The following GFOD2 variants were observed in gnomAD, a reference collection of about 807,000 sequenced individuals.
GFOD2 encodes the protein Gfo/Idh/MocA-like oxidoreductase domain containing 2, also known as glucose-fructose oxidoreductase domain-containing protein 2.
A neutral mutation model predicts 24.6 loss-of-function variants in GFOD2; 9 were observed. The ratio of observed to expected loss-of-function variants is 0.37; its 90% CI spans 0.22 to 0.64. The LOEUF is 0.64. Among genes scored for constraint, GFOD2 ranks in the 30% least tolerant of loss-of-function variants. The pLI, the probability that GFOD2 is intolerant of heterozygous loss-of-function variation, is 0.65. For synonymous variants in GFOD2, 211 were observed against 224.8 expected, an observed-to-expected ratio of 0.94 and a Z score of 0.55; for missense variants, 476 against 532.5, an observed-to-expected ratio of 0.89 and a Z score of 1.04.
intron 1 of GFOD2, among the ~76,000 whole-genome samples, chr16:67,694,245 C>T (rs1425007175): frequency 6.6e-6 from 1 of 152,108 alleles, no homozygotes; most frequent in Admixed American, 6.6e-5. Flanking sequence ...GATCCGCTCG[C>T]CTGGGCCTCC....
In GFOD2 at chr16:67,675,767, A is replaced by G; in HGVS notation, c.546T>C (p.Ile182=). 6.2e-7 allele frequency: 1 copy of G among 1,614,060 alleles called. No homozygotes were observed. The highest frequency in any genetic ancestry group is 2.2e-5 in the East Asian group (1 of 44,886). The change falls in exon 3 of 3, where the codon ATT becomes ATC. Residue 182 remains isoleucine (I), a synonymous_variant. Transcript: ENST00000268797. The stretch of plus-strand genomic sequence containing the variant: ...CGGTCAGGTGGGTCAGCAGGTCCAC[A>G]ATGTAGGTCCCCATGGTGTGCAAGC... ...GGGLHTMGTY[I]VDLLTHLTGR... is the part of the protein sequence containing the mutation.
At chr16:67,717,516 T>C (rs2053515460) in intron 1 of GFOD2, among the ~76,000 whole-genome samples, 1 of 152,032 alleles carries the variant, frequency 6.6e-6, no homozygotes, top group African/African-American at 2.4e-5. Context: ...GAGGGCTGGG[T>C]GTGGTGGCTC....
At position 67,688,734 on chromosome 16, in the gene GFOD2, C is replaced by CTT. The variant is rs113977188; in HGVS notation, c.-87-2934_-87-2933dup. On this transcript the variant is annotated intron_variant, in intron 1 of 2. Coordinates refer to ENST00000268797, the MANE Select transcript of GFOD2 (RefSeq NM_030819.4). ...TGTAGTACAATATACATAAAATTTACTTTTTTTTTTTTTTTTTTGAGACGG... is the reference window on the plus strand; with the variant it reads ...TGTAGTACAATATACATAAAATTTACTTTTTTTTTTTTTTTTTTTTGAGACGG... Among the ~76,000 whole-genome samples, 372 of 131,078 alleles carry CTT rather than the reference C, an allele frequency of 2.8e-3. 4 individuals carry two copies. Among genetic ancestry groups the CTT allele is most frequent in the African/African-American group, 8.9e-3 (307 of 34,604 alleles). The allele number at this position is 131,078 out of a possible 152,430, so 86.0% of individuals were successfully genotyped here. A position where few individuals can be genotyped will look rare whatever the true frequency, so the allele number is the denominator to read the frequency against.
At position 67,685,708 on chromosome 16, in the gene GFOD2, A is replaced by G; in HGVS notation, c.8T>C (p.Met3Thr). 6.2e-7 allele frequency: 1 copy of G among 1,610,568 alleles called. No individual in the cohort carries two copies. The highest frequency in any genetic ancestry group is 1.1e-5 in the South Asian group (1 of 91,044). MKMLPGVGVFGTG... is the reference protein window; with the variant it reads MKTLPGVGVFGTG... Reference sequence around the variant, plus strand: ...CCCAAACACGCCCACTCCTGGCAGCATCTTCATCCCAGCCTCTCTCTTTAC... The same window carrying G: ...CCCAAACACGCCCACTCCTGGCAGCGTCTTCATCCCAGCCTCTCTCTTTAC... Residue 3 changes from methionine to threonine, a missense_variant, in exon 2 of 3, where the codon ATG (methionine) becomes ACG (threonine). Physicochemically the swap from Met to Thr is moderately conservative, Grantham distance 81. Transcript: ENST00000268797.
chr16:67,685,718 C>G lies in GFOD2; in HGVS notation c.-3G>C. The G allele has an allele frequency of 6.2e-7, 1 of 1,608,272 alleles. No homozygotes were observed. The highest frequency in any genetic ancestry group is 8.5e-7 in the Non-Finnish European group (1 of 1,178,140). ...CCCACTCCTGGCAGCATCTTCATCC[C>G]AGCCTCTCTCTTTACCAACTCATCT... On this transcript the variant is annotated 5_prime_UTR_variant, in exon 2 of 3. Coordinates refer to ENST00000268797, the MANE Select transcript of GFOD2 (RefSeq NM_030819.4).
intron 1 of GFOD2, among the ~76,000 whole-genome samples, chr16:67,695,558 G>A (rs549984477): frequency 2.1e-5 from 3 of 143,682 alleles, no homozygotes; most frequent in Non-Finnish European, 3.0e-5. Flanking sequence ...TTTTTGAGAC[G>A]GAGTCTCATT....
Position 67,687,365 on chromosome 16 carries a change from G to A in GFOD2, c.-87-1563C>T, listed in dbSNP as rs533078425. 1.0e-3 allele frequency among the ~76,000 whole-genome samples: 158 copies of A among 152,058 alleles called. 3 individuals are homozygous for A. The highest frequency in any genetic ancestry group is 3.7e-3 in the African/African-American group (154 of 41,524). On this transcript the variant is annotated intron_variant, in intron 1 of 2. Transcript: ENST00000268797. The stretch of plus-strand genomic sequence containing the variant: ...GCTTAAAGAGATTTTATTAGGCCGG[G>A]TGCGGTGGCTCATGCCTGTAATCCC...
chr16:67,690,656 C>A lies in GFOD2; in HGVS notation c.-87-4854G>T, dbSNP rs185544801. Among the ~76,000 whole-genome samples, 25 of 152,272 alleles carry A rather than the reference C, an allele frequency of 1.6e-4. 1 individual carries two copies. The highest frequency in any genetic ancestry group is 1.6e-3 in the Admixed American group (25 of 15,272). On this transcript the variant is annotated intron_variant, in intron 1 of 2. Coordinates refer to ENST00000268797, the MANE Select transcript of GFOD2 (RefSeq NM_030819.4). ...TTTAACGCATGTGAAAAATTATCTACATTTGGAGTCATAACAAAATGTCCT... is the reference window on the plus strand; with the variant it reads ...TTTAACGCATGTGAAAAATTATCTAAATTTGGAGTCATAACAAAATGTCCT...
At chr16:67,676,982 C>T (rs2053188928) in intron 2 of GFOD2, 1 of 152,188 alleles carries the variant, frequency 6.6e-6, no homozygotes, top group African/African-American at 2.4e-5. Context: ...CGAAGGAAAT[C>T]CTGTGCTAAT....
chr16:67,696,446 A>G (rs1345185705), intron 1 of GFOD2, among the ~76,000 whole-genome samples: 2 of 152,042 alleles, frequency 1.3e-5, no homozygotes, highest in African/African-American at 4.8e-5. Flanking sequence ...ATATATAAGT[A>G]TCGGTAGCTT....
intron 1 of GFOD2, among the ~76,000 whole-genome samples, chr16:67,716,404 C>G (rs1057400164): frequency 6.6e-5 from 10 of 152,150 alleles, no homozygotes; most frequent in Non-Finnish European, 1.5e-4. Context: ...TTTTGAGAGT[C>G]CTCTGTAAGT....
At position 67,693,041 on chromosome 16, in the gene GFOD2, C is replaced by CA. The variant is rs553659334; in HGVS notation, c.-87-7240dup. ...TGAGACTCTGTCTCAAAAACAAAAA[C>CA]AAAAAAAAAAGGAAAATGTGGTTCT... On this transcript the variant is annotated intron_variant, in intron 1 of 2. Coordinates refer to ENST00000268797, the MANE Select transcript of GFOD2 (RefSeq NM_030819.4). Among the ~76,000 whole-genome samples the CA allele has an allele frequency of 7.2e-3, 1,023 of 142,372 alleles. 6 individuals carry two copies. Among genetic ancestry groups the CA allele is most frequent in the African/African-American group, 0.023 (909 of 39,014 alleles). The allele number at this position is 142,372 out of a possible 152,430, so 93.4% of individuals were successfully genotyped here.
chr16:67,677,481 G>C (rs1328211582), intron 2 of GFOD2: 1 of 152,240 alleles, frequency 6.6e-6, no homozygotes, highest in African/African-American at 2.4e-5. Context: ...AAAGTGCTGG[G>C]ATTAAGGCAT....
chr16:67,678,518 T>C (rs1472516708), intron 2 of GFOD2, among the ~76,000 whole-genome samples: 2 of 150,160 alleles, frequency 1.3e-5, no homozygotes, highest in South Asian at 2.1e-4. Flanking sequence ...AAATGGCCGA[T>C]GTCCCACATG....
chr16:67,717,125 A>G (rs372954475), intron 1 of GFOD2, among the ~76,000 whole-genome samples: 1 of 152,084 alleles, frequency 6.6e-6, no homozygotes, highest in East Asian at 1.9e-4. Flanking sequence ...CAAACTCCTG[A>G]CCTCAGGTGA....
At position 67,674,734 on chromosome 16, in the gene GFOD2, C is replaced by T. The variant is rs1289694462; in HGVS notation, c.*421G>A. ...TCCCTGAGGGACAGCTTGTTGCCCTCACTGTTCCTGAGATGCCCCAGCCCA... is the reference window on the plus strand; with the variant it reads ...TCCCTGAGGGACAGCTTGTTGCCCTTACTGTTCCTGAGATGCCCCAGCCCA... On this transcript the variant is annotated 3_prime_UTR_variant, in exon 3 of 3. Coordinates refer to ENST00000268797, the MANE Select transcript of GFOD2 (RefSeq NM_030819.4). The T allele has an allele frequency of 1.2e-5, 2 of 163,818 alleles. No homozygotes were observed. The highest frequency in any genetic ancestry group is 2.4e-5 in the African/African-American group (1 of 41,694). 10.1% of individuals were successfully genotyped at this position (163,818 alleles called of 1,614,324 possible).
At chr16:67,682,415 A>C (rs368886795) in intron 2 of GFOD2, 3 of 985,452 alleles carry the variant, frequency 3.0e-6, no homozygotes, top group African/African-American at 1.7e-5. Flanking sequence ...TGACAGACTT[A>C]AGAAAACATT....
At chr16:67,691,956 A>G (rs1440664337) in intron 1 of GFOD2, among the ~76,000 whole-genome samples, 1 of 152,162 alleles carries the variant, frequency 6.6e-6, no homozygotes, top group Non-Finnish European at 1.5e-5. Flanking sequence ...TCTGAATAAC[A>G]AGTAATCTGG....
chr16:67,682,756 G>A (rs2053237326), intron 2 of GFOD2: 2 of 985,396 alleles, frequency 2.0e-6, no homozygotes, highest in Non-Finnish European at 2.4e-6. Flanking sequence ...GCTCTAGCAA[G>A]GAGAGAAAAA....
Sources: allele counts gnomAD v4.1 joint callset (sites outside exome capture counted in the v4.1 genomes callset), GRCh38; gene constraint gnomAD v4.1.1; transcripts MANE v1.5; gene names NCBI Gene and HGNC (gene_info 2026-07-23, HGNC 2026-07-21).